The following TBC1D22A variants were observed in gnomAD, a reference collection of about 807,000 sequenced individuals.
TBC1D22A encodes TBC1 domain family member 22A.
Under a neutral mutation model 60.2 loss-of-function variants are expected in TBC1D22A, and 38 were observed. That is an observed-to-expected ratio of 0.63 (90% CI 0.49 to 0.83). TBC1D22A has a LOEUF of 0.83. Among genes scored for constraint, TBC1D22A ranks in the 40% least tolerant of loss-of-function variants. The pLI is 0.00. For missense variants in TBC1D22A, 628 were observed against 701.0 expected, an observed-to-expected ratio of 0.90 and a Z score of 1.18; for synonymous variants, 302 against 281.7, an observed-to-expected ratio of 1.07 and a Z score of -0.72.
At chr22:47,006,536 T>A (rs928214261) in intron 10 of TBC1D22A, among the ~76,000 whole-genome samples, 1 of 152,234 alleles carries the variant, frequency 6.6e-6, no homozygotes, top group Non-Finnish European at 1.5e-5. Context: ...CCACAGCACA[T>A]CTTCTGTGGC....
At chr22:46,903,337 C>T (rs1400442987) in intron 7 of TBC1D22A, among the ~76,000 whole-genome samples, 2 of 152,202 alleles carry the variant, frequency 1.3e-5, no homozygotes, top group East Asian at 3.9e-4. Flanking sequence ...GGCGTCTGTA[C>T]TCGGGGAAGC....
At position 46,792,586 on chromosome 22, in the gene TBC1D22A, G is replaced by A. The variant is rs752208323; in HGVS notation, c.119+10G>A. On this transcript the variant is annotated intron_variant, in intron 2 of 12. Coordinates refer to ENST00000337137, the MANE Select transcript of TBC1D22A (RefSeq NM_014346.5). ...CACTGTTACATGGCACGTAAGTGAC[G>A]TTCCAACCTCACTTGGCGTCTCGGC... The A allele has an allele frequency of 6.8e-6, 11 of 1,614,098 alleles. No homozygotes were observed. Among genetic ancestry groups the A allele is most frequent in the Non-Finnish European group, 8.5e-6 (10 of 1,180,040 alleles).
Position 46,793,700 on chromosome 22 carries a change from C to T in TBC1D22A, c.319C>T (p.Gln107Ter), listed in dbSNP as rs1428177249. Residue 107 changes from glutamine to a stop codon, truncating the protein, a stop_gained, in exon 3 of 13, where the codon CAG becomes TAG. Transcript: ENST00000337137. LOFTEE classifies it high-confidence loss of function. ...TANRVLRNHS[Q>*]RQGRPTLQEG... ...CAACCGTGTGCTGCGTAACCACAGC[C>T]AGCGGCAGGGGCGGCCCACGCTGCA... 1 of 1,612,392 alleles carries T rather than the reference C, an allele frequency of 6.2e-7. No homozygotes were observed. Among genetic ancestry groups the T allele is most frequent in the Non-Finnish European group, 8.5e-7 (1 of 1,179,780 alleles).
At chr22:47,096,199 C>T (rs572563122) in intron 11 of TBC1D22A, among the ~76,000 whole-genome samples, 4 of 152,294 alleles carry the variant, frequency 2.6e-5, no homozygotes, top group African/African-American at 4.8e-5. Context: ...ACATGTACTA[C>T]GGAAGCCTCT....
At chr22:46,869,449 G>A (rs146360129) in intron 4 of TBC1D22A, among the ~76,000 whole-genome samples, 18 of 152,280 alleles carry the variant, frequency 1.2e-4, no homozygotes, top group South Asian at 1.0e-3. Flanking sequence ...GGCCTGGTCC[G>A]TGGTGAGTGT....
At chr22:46,969,810 G>A (rs1479441294) in intron 8 of TBC1D22A, among the ~76,000 whole-genome samples, 1 of 152,188 alleles carries the variant, frequency 6.6e-6, no homozygotes, top group African/African-American at 2.4e-5. Flanking sequence ...GGTGACTGAT[G>A]TAGGGGAAGA....
intron 11 of TBC1D22A, among the ~76,000 whole-genome samples, chr22:47,091,000 G>C (rs1429644106): frequency 7.0e-6 from 1 of 143,236 alleles, no homozygotes; most frequent in Non-Finnish European, 1.5e-5. Flanking sequence ...CCTCGCAGAG[G>C]GGGTGGCTGC....
Position 47,136,894 on chromosome 22 carries a change from C to T in TBC1D22A, c.1425+25291C>T, listed in dbSNP as rs142348096. Among the ~76,000 whole-genome samples the T allele has an allele frequency of 1.2e-3, 176 of 152,280 alleles. 1 individual carries two copies. The highest frequency in any genetic ancestry group is 3.9e-3 in the African/African-American group (163 of 41,546). On this transcript the variant is annotated intron_variant, in intron 12 of 12. Coordinates refer to ENST00000337137, the MANE Select transcript of TBC1D22A (RefSeq NM_014346.5). ...TCGCCCCCTCTCCAGAGCCCCCAGA[C>T]CTGTCCCGGTGTCCCATCTCACGGT...
intron 8 of TBC1D22A, among the ~76,000 whole-genome samples, chr22:46,958,192 C>G (rs987778587): frequency 5.3e-5 from 8 of 152,206 alleles, no homozygotes; most frequent in Non-Finnish European, 7.3e-5. Context: ...GCACCCTGCT[C>G]TGGCGGTTGT....
Position 46,975,469 on chromosome 22 carries a change from G to A in TBC1D22A, c.1125+1070G>A, listed in dbSNP as rs144775391. On this transcript the variant is annotated intron_variant, in intron 9 of 12. Coordinates refer to ENST00000337137, the MANE Select transcript of TBC1D22A (RefSeq NM_014346.5). ...ACCAAACACCAAGATCATCACGGGT[G>A]TTCGCATGTAGATGGCTCTCTGCTG... is the stretch of plus-strand genomic sequence containing the variant. Among the ~76,000 whole-genome samples, 117 of 152,292 alleles carry A rather than the reference G, an allele frequency of 7.7e-4. 1 individual carries two copies. Among genetic ancestry groups the A allele is most frequent in the Admixed American group, 1.8e-3 (28 of 15,302 alleles).
At chr22:46,989,787 A>ACACACACACACACAC (rs58174049) in intron 9 of TBC1D22A, among the ~76,000 whole-genome samples, 1 of 151,222 alleles carries the variant, frequency 6.6e-6, no homozygotes, top group African/African-American at 2.4e-5. Flanking sequence ...ACACACACAC[A>ACACACACACACACAC]ATAAATAAAT....
chr22:47,170,794 CCCTCCT>C (rs2147233781), intron 12 of TBC1D22A, among the ~76,000 whole-genome samples: 3 of 108,840 alleles, frequency 2.8e-5, no homozygotes, highest in Admixed American at 9.6e-5. Flanking sequence ...TGGTGTGTAA[CCCTCCT>C]GATGCAGGAC....
rs182021604 is a variant in TBC1D22A at position 46,895,748 on chromosome 22, C to G, written c.900+902C>G. Among the ~76,000 whole-genome samples, 6 of 152,312 alleles carry G rather than the reference C, an allele frequency of 3.9e-5. 1 individual carries two copies. Among genetic ancestry groups the G allele is most frequent in the African/African-American group, 1.4e-4 (6 of 41,562 alleles). On this transcript the variant is annotated intron_variant, in intron 7 of 12. Transcript: ENST00000337137. ...TAGTTTGTTATTTAAATATTCCTCACTCTCCTTCGTCTTCTTCCTGTTGGA... is the reference window on the plus strand; with the variant it reads ...TAGTTTGTTATTTAAATATTCCTCAGTCTCCTTCGTCTTCTTCCTGTTGGA...
intron 10 of TBC1D22A, among the ~76,000 whole-genome samples, chr22:47,007,831 C>T (rs1224389803): frequency 3.9e-5 from 6 of 152,162 alleles, no homozygotes; most frequent in Admixed American, 3.9e-4. Flanking sequence ...CCTTAGAAGC[C>T]CCATCTCCAG....
At chr22:46,812,150 T>C (rs776602287) in intron 4 of TBC1D22A, among the ~76,000 whole-genome samples, 1 of 152,162 alleles carries the variant, frequency 6.6e-6, no homozygotes, top group Non-Finnish European at 1.5e-5. Context: ...GCTGTAGGGC[T>C]GGAAGTGACG....
chr22:47,059,799 C>G (rs16996273), intron 11 of TBC1D22A, among the ~76,000 whole-genome samples: 7,747 of 152,236 alleles, frequency 0.051, 614 homozygotes, highest in African/African-American at 0.17. Flanking sequence ...ACGGTAACAG[C>G]AGGGATCTTA....
At chr22:47,156,490 G>A (rs983400009) in intron 12 of TBC1D22A, among the ~76,000 whole-genome samples, 1 of 152,130 alleles carries the variant, frequency 6.6e-6, no homozygotes, top group African/African-American at 2.4e-5. Flanking sequence ...GGACATGGTG[G>A]GTGTGGAGGA....
At chr22:47,123,363 C>G (rs772639011) in intron 12 of TBC1D22A, among the ~76,000 whole-genome samples, 1 of 152,142 alleles carries the variant, frequency 6.6e-6, no homozygotes, top group Non-Finnish European at 1.5e-5. Flanking sequence ...GGCGCGTGGT[C>G]GGAATGGAAG....
intron 4 of TBC1D22A, 58 bp downstream of exon 4, chr22:46,797,678 G>A (rs907924096): frequency 3.3e-6 from 5 of 1,500,970 alleles, no homozygotes; most frequent in Non-Finnish European, 4.5e-6. Context: ...TTCTGAAATA[G>A]ATCACATCTT....
Sources: gnomAD v4.1 joint callset for allele counts (sites outside exome capture counted in the v4.1 genomes callset) on GRCh38, gnomAD v4.1.1 for gene constraint, MANE v1.5 for transcripts, NCBI Gene and HGNC (gene_info 2026-07-23, HGNC 2026-07-21) for gene names.